The following RASEF variants were observed in gnomAD, a reference collection of about 807,000 sequenced individuals.
RASEF encodes the protein ras and EF-hand domain-containing protein.
In RASEF, 68 loss-of-function variants were observed where a neutral mutation model predicts 90.1. The ratio of observed to expected loss-of-function variants is 0.75; its 90% CI spans 0.62 to 0.92. RASEF has a LOEUF of 0.92. RASEF is among the 40% of genes least tolerant of loss of function. The pLI is 0.00. For synonymous variants in RASEF, 331 were observed against 345.2 expected (o/e 0.96, Z 0.46); for missense variants, 949 against 937.2 (o/e 1.01, Z -0.16).
At chr9:83,043,587 T>C (rs1483459481) in intron 1 of RASEF, among the ~76,000 whole-genome samples, 2 of 152,254 alleles carry the variant, frequency 1.3e-5, no homozygotes, top group East Asian at 3.8e-4. Context: ...TGATGGAGCA[T>C]AAATGACTGT....
At chr9:83,155,033 T>C in the RASEF span, among the ~76,000 whole-genome samples, 1 of 152,182 alleles carries the variant, frequency 6.6e-6, no homozygotes, top group African/African-American at 2.4e-5. Flanking sequence ...TCTTGTGGGT[T>C]AGTAAGAAAA....
chr9:83,204,515 G>T, the RASEF span, among the ~76,000 whole-genome samples: 2 of 152,144 alleles, frequency 1.3e-5, no homozygotes, highest in African/African-American at 4.8e-5. Context: ...GACAAAAAAG[G>T]TTCCCAGGGA....
intron 15 of RASEF, among the ~76,000 whole-genome samples, chr9:82,992,178 G>T (rs963778337): frequency 7.1e-6 from 1 of 140,006 alleles, no homozygotes; most frequent in Non-Finnish European, 1.6e-5. Flanking sequence ...TGGTGCTGAC[G>T]ACAGACAACA....
chr9:83,084,641 G>C, the RASEF span, among the ~76,000 whole-genome samples: 2 of 152,106 alleles, frequency 1.3e-5, no homozygotes, highest in African/African-American at 4.8e-5. Flanking sequence ...CTCTCATCTG[G>C]AGTTCCTTTT....
chr9:83,174,046 A>G, the RASEF span, among the ~76,000 whole-genome samples: 1 of 151,680 alleles, frequency 6.6e-6, no homozygotes, highest in African/African-American at 2.4e-5. Flanking sequence ...TTTATATTCT[A>G]TACACAAATC....
chr9:83,104,492 C>T, the RASEF span, among the ~76,000 whole-genome samples: 1 of 152,142 alleles, frequency 6.6e-6, no homozygotes, highest in African/African-American at 2.4e-5. Flanking sequence ...CCCCTTCAAT[C>T]AAAATGTTGT....
At chr9:82,984,129 T>C (rs1043536698) in intron 16 of RASEF, among the ~76,000 whole-genome samples, 2 of 152,360 alleles carry the variant, frequency 1.3e-5, no homozygotes, top group South Asian at 4.1e-4. Context: ...GGGATCCATA[T>C]ATGTCAGTTT....
At chr9:83,012,398 G>T in intron 5 of RASEF, 36 bp downstream of exon 5, 1 of 1,135,136 alleles carries the variant, frequency 8.8e-7, no homozygotes, top group Non-Finnish European at 1.3e-6. Flanking sequence ...GGTCTAACAG[G>T]AAGTGCATTT....
the RASEF span, among the ~76,000 whole-genome samples, chr9:83,137,795 G>A: frequency 1.4e-5 from 2 of 146,930 alleles, no homozygotes; most frequent in Admixed American, 6.9e-5. Flanking sequence ...TGAAGTGATT[G>A]AAAAAAAAAA....
intron 1 of RASEF, among the ~76,000 whole-genome samples, chr9:83,043,202 AAACT>A (rs1829870019): frequency 6.6e-6 from 1 of 152,350 alleles, no homozygotes; most frequent in South Asian, 2.1e-4. Flanking sequence ...CATTTTTAGT[AAACT>A]GGATAAATCA....
chr9:83,078,895 GTTGT>G, the RASEF span, among the ~76,000 whole-genome samples: 38 of 152,232 alleles, frequency 2.5e-4, no homozygotes, highest in African/African-American at 7.7e-4. Context: ...TTTTAATGCA[GTTGT>G]TTGTTTTTCT....
chr9:83,151,824 G>A, the RASEF span, among the ~76,000 whole-genome samples: 9 of 152,166 alleles, frequency 5.9e-5, no homozygotes, highest in African/African-American at 2.2e-4. Flanking sequence ...TCTGACAGCT[G>A]GAATTCAGAC....
intron 1 of RASEF, among the ~76,000 whole-genome samples, chr9:83,027,009 C>T (rs1829560871): frequency 2.0e-5 from 3 of 152,226 alleles, no homozygotes; most frequent in South Asian, 2.1e-4. Flanking sequence ...CAGGGGTTCC[C>T]GTGACCCCCT....
the RASEF span, among the ~76,000 whole-genome samples, chr9:83,136,457 T>C: frequency 6.6e-6 from 1 of 152,238 alleles, no homozygotes; most frequent in Admixed American, 6.5e-5. Context: ...TATTTAACCT[T>C]GACTACTTCA....
At chr9:83,055,034 A>C (rs1048771536) in intron 1 of RASEF, 1 of 146,458 alleles carries the variant, frequency 6.8e-6, no homozygotes, top group Admixed American at 6.6e-5. Context: ...TGGAGCCTAC[A>C]GAGGCAGGCA....
At chr9:83,218,833 C>T in the RASEF span, among the ~76,000 whole-genome samples, 1 of 152,112 alleles carries the variant, frequency 6.6e-6, no homozygotes, top group African/African-American at 2.4e-5. Context: ...GACAGAAAGT[C>T]GACGGTCTGG....
intron 16 of RASEF, among the ~76,000 whole-genome samples, chr9:82,988,213 C>T (rs1168454939): frequency 1.3e-5 from 2 of 152,232 alleles, no homozygotes; most frequent in Non-Finnish European, 2.9e-5. Context: ...ACTGAACTCT[C>T]CCCTCTTTAC....
At chr9:83,164,357 A>G in the RASEF span, among the ~76,000 whole-genome samples, 2,788 of 145,890 alleles carry the variant, frequency 0.019, 115 homozygotes, top group African/African-American at 0.066. Flanking sequence ...GTATATATAT[A>G]TATATATATA....
chr9:83,031,995 C>T (rs1242740997), intron 1 of RASEF, among the ~76,000 whole-genome samples: 2 of 151,996 alleles, frequency 1.3e-5, no homozygotes, highest in Admixed American at 6.6e-5. Context: ...AGGAAAAACA[C>T]AACAAAACAA....
Sources: gnomAD v4.1 joint callset for allele counts (sites outside exome capture counted in the v4.1 genomes callset) on GRCh38, gnomAD v4.1.1 for gene constraint, MANE v1.5 for transcripts, NCBI Gene and HGNC (gene_info 2026-07-23, HGNC 2026-07-21) for gene names.